The following UNC5C variants were observed in gnomAD, a reference collection of about 807,000 sequenced individuals.
UNC5C encodes unc-5 netrin receptor C, also known as netrin receptor UNC5C.
Under a neutral mutation model 99.8 loss-of-function variants are expected in UNC5C, and 47 were observed. The observed-to-expected ratio is 0.47, with a 90% CI of 0.37 to 0.60. The LOEUF is 0.60. UNC5C is among the 20% of genes least tolerant of loss of function. The pLI, the probability that UNC5C is intolerant of heterozygous loss-of-function variation, is 0.00. For missense variants in UNC5C, 1,062 were observed against 1,165.9 expected (o/e 0.91, Z 1.30); for synonymous variants, 487 against 452.2 (o/e 1.08, Z -0.98).
chr4:95,326,534 A>C (rs1162258738), intron 2 of UNC5C, among the ~76,000 whole-genome samples: 1 of 152,220 alleles, frequency 6.6e-6, no homozygotes, highest in South Asian at 2.1e-4. Context: ...GTATTACTAT[A>C]TTACCAAATC....
At position 95,231,755 on chromosome 4, in the gene UNC5C, T is replaced by A. The variant is rs144013814; in HGVS notation, c.1108+10674A>T. On this transcript the variant is annotated intron_variant, in intron 7 of 15. Transcript: ENST00000453304. The stretch of plus-strand genomic sequence containing the variant: ...AGCAAACCCATCAGGGCTGCACTAA[T>A]GATGTCAAAGGTCAGGTCTGTCAAA... 1.3e-3 allele frequency among the ~76,000 whole-genome samples: 193 copies of A among 152,314 alleles called. 1 individual carries two copies. Among genetic ancestry groups the A allele is most frequent in the African/African-American group, 4.3e-3 (177 of 41,568 alleles).
chr4:95,388,617 C>A (rs1226932075), intron 1 of UNC5C, among the ~76,000 whole-genome samples: 1 of 152,102 alleles, frequency 6.6e-6, no homozygotes, highest in Admixed American at 6.6e-5. Context: ...TGTAATGATG[C>A]CTGTGGTTCC....
At position 95,394,692 on chromosome 4, in the gene UNC5C, T is replaced by C. The variant is rs938861880; in HGVS notation, c.125-59061A>G. ...GTGTGTGTGCTTTTCTCATTGGTCA[T>C]TGCCTGGTATTATTTTTATCCTTTG... is the stretch of plus-strand genomic sequence containing the variant. On this transcript the variant is annotated intron_variant, in intron 1 of 15. Coordinates refer to ENST00000453304, the MANE Select transcript of UNC5C (RefSeq NM_003728.4). Among the ~76,000 whole-genome samples the C allele has an allele frequency of 6.0e-5, 9 of 149,568 alleles. No individual in the cohort carries two copies. In the East Asian group the frequency reaches 1.8e-3, roughly 30 times the overall value.
intron 3 of UNC5C, among the ~76,000 whole-genome samples, chr4:95,292,885 GACA>G (rs760902001): frequency 1.3e-5 from 2 of 152,102 alleles, no homozygotes; most frequent in South Asian, 2.1e-4. Context: ...AGGCACTGGA[GACA>G]ACAAGGAAGA....
chr4:95,434,309 C>T lies in UNC5C; in HGVS notation c.125-98678G>A, dbSNP rs533815826. 1.1e-4 allele frequency among the ~76,000 whole-genome samples: 16 copies of T among 152,134 alleles called. No individual in the cohort carries two copies. The South Asian group carries it at 2.1e-3, about 20-fold the overall frequency. On this transcript the variant is annotated intron_variant, in intron 1 of 15. Coordinates refer to ENST00000453304, the MANE Select transcript of UNC5C (RefSeq NM_003728.4). ...TTTATAAATTTATCTTTTATCTCTT[C>T]CTCTTCACAGTAAGGTCTGAGATCC...
At position 95,379,513 on chromosome 4, in the gene UNC5C, G is replaced by A. The variant is rs534949250; in HGVS notation, c.125-43882C>T. On this transcript the variant is annotated intron_variant, in intron 1 of 15. Coordinates refer to ENST00000453304, the MANE Select transcript of UNC5C (RefSeq NM_003728.4). The stretch of plus-strand genomic sequence containing the variant: ...TTCTACCATTTTTCATTGTTACAGA[G>A]GCCTTCCTATTCCCCAAGCGGAGTA... Among the ~76,000 whole-genome samples the A allele has an allele frequency of 3.0e-4, 45 of 152,216 alleles. 1 individual carries two copies. The highest frequency in any genetic ancestry group is 2.7e-3 in the Admixed American group (41 of 15,288).
chr4:95,504,709 A>G (rs970811730), intron 1 of UNC5C, among the ~76,000 whole-genome samples: 1 of 152,104 alleles, frequency 6.6e-6, no homozygotes, highest in Non-Finnish European at 1.5e-5. Flanking sequence ...ACAAGGCACG[A>G]AAAATTAACC....
intron 14 of UNC5C, among the ~76,000 whole-genome samples, chr4:95,175,131 G>A (rs1275129751): frequency 4.0e-4 from 57 of 143,918 alleles, no homozygotes; most frequent in Admixed American, 4.8e-4. Flanking sequence ...TTGAGCCTAT[G>A]TGTGTCTCTG....
intron 12 of UNC5C, among the ~76,000 whole-genome samples, chr4:95,191,660 C>T (rs927664546): frequency 4.0e-5 from 6 of 150,786 alleles, no homozygotes; most frequent in East Asian, 4.0e-4. Context: ...CTCTGTTCGC[C>T]GCCTCCTCTG....
chr4:95,202,769 G>C lies in UNC5C; in HGVS notation c.2098C>G (p.Arg700Gly). 1 of 1,614,196 alleles carries C rather than the reference G, an allele frequency of 6.2e-7. No homozygotes were observed. Among genetic ancestry groups the C allele is most frequent in the Non-Finnish European group, 8.5e-7 (1 of 1,180,034 alleles). ...LCCSSLEYSI[R>G]VYCLDDTQDA... ...TGGGTGTCATCCAGACAGTAGACTC[G>C]GATGCTGTACTCCAGCGAGGAGCAG... The change falls in exon 12 of 16, where the codon CGA becomes GGA. Residue 700 changes from arginine (R) to glycine (G), a missense_variant. By Grantham distance (125) the Arg-to-Gly change is moderately radical (BLOSUM62 -2). This residue lies in a region of UNC5C where 810 missense variants were observed against 854.5 expected (regional missense o/e 0.95). Transcript: ENST00000453304.
intron 3 of UNC5C, among the ~76,000 whole-genome samples, chr4:95,290,853 C>A (rs1032868012): frequency 6.6e-6 from 1 of 152,146 alleles, no homozygotes; most frequent in African/African-American, 2.4e-5. Flanking sequence ...AATATCATAA[C>A]TCATAACCAG....
At chr4:95,359,121 A>G (rs566661895) in intron 1 of UNC5C, among the ~76,000 whole-genome samples, 1 of 152,196 alleles carries the variant, frequency 6.6e-6, no homozygotes, top group Non-Finnish European at 1.5e-5. Context: ...TTTGGAAATC[A>G]TATTGGATTT....
intron 1 of UNC5C, among the ~76,000 whole-genome samples, chr4:95,400,257 A>G (rs567068955): frequency 6.6e-6 from 1 of 152,226 alleles, no homozygotes; most frequent in East Asian, 1.9e-4. Context: ...GCTGGCTTTG[A>G]AGAAGTAAGC....
intron 1 of UNC5C, among the ~76,000 whole-genome samples, chr4:95,543,902 T>C (rs1240437574): frequency 6.6e-6 from 1 of 152,174 alleles, no homozygotes; most frequent in Admixed American, 6.5e-5. Flanking sequence ...AGAACTGTAC[T>C]CTGTCCAGGA....
chr4:95,301,540 A>G, intron 3 of UNC5C, 66 bp downstream of exon 3: 1 of 1,603,038 alleles, frequency 6.2e-7, no homozygotes, highest in Admixed American at 1.7e-5. Flanking sequence ...GAGTAGTCAC[A>G]GTGTAAACTT....
chr4:95,492,214 CTTAA>C (rs1221608480), intron 1 of UNC5C, among the ~76,000 whole-genome samples: 4 of 151,302 alleles, frequency 2.6e-5, no homozygotes, highest in Admixed American at 2.0e-4. Context: ...GCTACACTAT[CTTAA>C]TTAATTTATT....
chr4:95,548,197 G>A lies in UNC5C; in HGVS notation c.124+537C>T, dbSNP rs140688950. 3.4e-3 allele frequency among the ~76,000 whole-genome samples: 523 copies of A among 152,224 alleles called. 3 individuals are homozygous for A. The highest frequency in any genetic ancestry group is 0.012 in the African/African-American group (493 of 41,546). On this transcript the variant is annotated intron_variant, in intron 1 of 15. Coordinates refer to ENST00000453304, the MANE Select transcript of UNC5C (RefSeq NM_003728.4). ...GAAGCAGCAGGCGAGGGGGACGGGT[G>A]CTTTTGAGTCCTTGACAGTAATGGA...
intron 3 of UNC5C, among the ~76,000 whole-genome samples, chr4:95,279,987 GCT>G (rs1185538020): frequency 6.6e-6 from 1 of 152,126 alleles, no homozygotes; most frequent in Non-Finnish European, 1.5e-5. Context: ...TAGGGTTCAT[GCT>G]CCCGTGAGAA....
chr4:95,343,587 A>G (rs1388310331), intron 1 of UNC5C, among the ~76,000 whole-genome samples: 1 of 152,138 alleles, frequency 6.6e-6, no homozygotes, highest in Non-Finnish European at 1.5e-5. Flanking sequence ...TGCCGAGAAA[A>G]TTAAATAAGA....
Sources: gnomAD v4.1 joint callset for allele counts (sites outside exome capture counted in the v4.1 genomes callset) on GRCh38, gnomAD v4.1.1 for gene constraint, gnomAD v4.1.1 regional missense constraint, MANE v1.5 for transcripts, NCBI Gene and HGNC (gene_info 2026-07-23, HGNC 2026-07-21) for gene names.